ADGRB3: variants seen among roughly 807,000 people sequenced by gnomAD.
ADGRB3 encodes the protein brain-specific angiogenesis inhibitor 3.
In ADGRB3, 37 loss-of-function variants were observed where a neutral mutation model predicts 193.4. The ratio of observed to expected loss-of-function variants is 0.19; its 90% CI spans 0.15 to 0.25. The LOEUF (loss-of-function observed/expected upper bound fraction) is 0.25, where lower values mean the gene tolerates loss of function less well. Ranked by LOEUF, ADGRB3 falls within the 10% of genes least tolerant of loss-of-function variation. The pLI, the probability that ADGRB3 is intolerant of heterozygous loss-of-function variation, is 1.00. For missense variants in ADGRB3, 1,637 were observed against 1,852.9 expected, an observed-to-expected ratio of 0.88 and a Z score of 2.14; for synonymous variants, 690 against 644.2, an observed-to-expected ratio of 1.07 and a Z score of -1.08.
chr6:68,660,775 T>C (rs930989049), intron 3 of ADGRB3, among the ~76,000 whole-genome samples: 17 of 151,116 alleles, frequency 1.1e-4, no homozygotes, highest in African/African-American at 3.9e-4. Flanking sequence ...TAAGATCTTA[T>C]CAACAAATAG....
chr6:69,185,100 A>G (rs1337787356), intron 17 of ADGRB3, among the ~76,000 whole-genome samples: 1 of 152,134 alleles, frequency 6.6e-6, no homozygotes, highest in Non-Finnish European at 1.5e-5. Context: ...TAGCCTTCAA[A>G]TTGCCTCTCT....
chr6:68,922,268 C>T (rs928711461), intron 3 of ADGRB3, among the ~76,000 whole-genome samples: 2 of 152,142 alleles, frequency 1.3e-5, no homozygotes, highest in Admixed American at 6.5e-5. Context: ...GAAATGTATT[C>T]ATTCCCAAAT....
chr6:68,884,338 A>G (rs535225095), intron 3 of ADGRB3, among the ~76,000 whole-genome samples: 2 of 152,274 alleles, frequency 1.3e-5, no homozygotes, highest in East Asian at 3.9e-4. Context: ...ACACAAATAA[A>G]TAGAAACTGT....
At chr6:68,849,168 A>C (rs747471871) in intron 3 of ADGRB3, among the ~76,000 whole-genome samples, 3 of 152,036 alleles carry the variant, frequency 2.0e-5, no homozygotes, top group South Asian at 2.1e-4. Flanking sequence ...GAAAAGAGAT[A>C]TAAGAAAACA....
chr6:68,789,961 T>C (rs903132961), intron 3 of ADGRB3, among the ~76,000 whole-genome samples: 12 of 152,264 alleles, frequency 7.9e-5, no homozygotes, highest in African/African-American at 2.7e-4. Flanking sequence ...TTGAGGCTTC[T>C]GCATTTGTCA....
chr6:69,102,941 A>G (rs1281948599), intron 17 of ADGRB3, among the ~76,000 whole-genome samples: 1 of 152,206 alleles, frequency 6.6e-6, no homozygotes, highest in Non-Finnish European at 1.5e-5. Flanking sequence ...ATAGAATCAA[A>G]AGTGTAATTT....
intron 17 of ADGRB3, among the ~76,000 whole-genome samples, chr6:69,111,547 T>C (rs1012235334): frequency 2.0e-5 from 3 of 152,194 alleles, no homozygotes; most frequent in African/African-American, 7.2e-5. Context: ...CAAAAGCGTG[T>C]CCTTGGTGAC....
At chr6:68,711,235 C>T (rs1201389438) in intron 3 of ADGRB3, among the ~76,000 whole-genome samples, 2 of 152,018 alleles carry the variant, frequency 1.3e-5, no homozygotes, top group Non-Finnish European at 1.5e-5. Context: ...CTTGATTTTT[C>T]TCTTCTCTCT....
chr6:69,233,227 T>C (rs867182287), intron 17 of ADGRB3, 63 bp from the exon 18 acceptor site: 1 of 1,583,984 alleles, frequency 6.3e-7, no homozygotes, highest in Middle Eastern at 2.1e-4. Context: ...CATTTTCTTC[T>C]TTACGGATTT....
intron 13 of ADGRB3, among the ~76,000 whole-genome samples, chr6:69,042,748 A>T (rs902085552): frequency 6.6e-6 from 1 of 152,210 alleles, no homozygotes; most frequent in Non-Finnish European, 1.5e-5. Context: ...CCATTTTGAT[A>T]ACTGGGCAAT....
chr6:68,925,684 G>A (rs988941129), intron 3 of ADGRB3, among the ~76,000 whole-genome samples: 1 of 151,862 alleles, frequency 6.6e-6, no homozygotes, highest in African/African-American at 2.4e-5. Flanking sequence ...TTGTAGTTGA[G>A]GGCATTCCAG....
intron 13 of ADGRB3, among the ~76,000 whole-genome samples, chr6:69,021,399 G>T (rs903262859): frequency 6.6e-6 from 1 of 151,740 alleles, no homozygotes; most frequent in Admixed American, 6.6e-5. Context: ...TTTAATAAAA[G>T]ACTCTCAGAA....
At chr6:69,255,508 G>A (rs1304205451) in intron 20 of ADGRB3, among the ~76,000 whole-genome samples, 1 of 151,362 alleles carries the variant, frequency 6.6e-6, no homozygotes, top group African/African-American at 2.4e-5. Context: ...AATGTCTTGA[G>A]AAGTGTCTGT....
chr6:68,719,061 G>T (rs970266699), intron 3 of ADGRB3, among the ~76,000 whole-genome samples: 8 of 151,800 alleles, frequency 5.3e-5, no homozygotes, highest in African/African-American at 1.9e-4. Context: ...AGAATGTTTT[G>T]TAGAGAGTTG....
At chr6:69,161,103 C>T (rs985309300) in intron 17 of ADGRB3, among the ~76,000 whole-genome samples, 2 of 152,030 alleles carry the variant, frequency 1.3e-5, no homozygotes, top group African/African-American at 4.8e-5. Context: ...TCTCATAGGG[C>T]TTTATCAGCA....
At chr6:68,651,093 G>C (rs1431787474) in intron 3 of ADGRB3, among the ~76,000 whole-genome samples, 1 of 152,166 alleles carries the variant, frequency 6.6e-6, no homozygotes, top group Non-Finnish European at 1.5e-5. Context: ...CCTCTGCACT[G>C]TAGACTGAGA....
At chr6:68,931,999 A>T (rs1582325181) in intron 4 of ADGRB3, among the ~76,000 whole-genome samples, 1 of 152,132 alleles carries the variant, frequency 6.6e-6, no homozygotes, top group African/African-American at 2.4e-5. Context: ...AAAGTGCATT[A>T]TCAGGTTTAG....
At chr6:69,339,629 G>A in intron 26 of ADGRB3, 125 bp downstream of exon 26, 1 of 1,182,800 alleles carries the variant, frequency 8.5e-7, no homozygotes, top group Non-Finnish European at 1.2e-6. Context: ...CAATCACTTG[G>A]GAATCAAAGC....
At chr6:69,350,228 T>G (rs9454736) in intron 26 of ADGRB3, among the ~76,000 whole-genome samples, 1,618 of 152,178 alleles carry the variant, frequency 0.011, 20 homozygotes, top group African/African-American at 0.037. Context: ...ATGGTTAGAT[T>G]CTTTTCAGGA....
Sources: allele counts gnomAD v4.1 joint callset (sites outside exome capture counted in the v4.1 genomes callset), GRCh38; gene constraint gnomAD v4.1.1; transcripts MANE v1.5; gene names NCBI Gene and HGNC (gene_info 2026-07-23, HGNC 2026-07-21).